GLB1L2: variants seen among roughly 807,000 people sequenced by gnomAD.
GLB1L2 encodes beta-galactosidase-1-like protein 2.
In GLB1L2, 68 loss-of-function variants were observed where a neutral mutation model predicts 84.1. That is an observed-to-expected ratio of 0.81 (90% CI 0.67 to 0.99). The LOEUF is 0.99. GLB1L2 is among the 50% of genes least tolerant of loss of function. The pLI, the probability that GLB1L2 is intolerant of heterozygous loss-of-function variation, is 0.00. For synonymous variants in GLB1L2, 290 were observed against 318.0 expected, an observed-to-expected ratio of 0.91 and a Z score of 0.94; for missense variants, 762 against 805.6, an observed-to-expected ratio of 0.95 and a Z score of 0.66.
intron 16 of GLB1L2, 80 bp downstream of exon 16, chr11:134,373,888 G>A (rs966136445): frequency 3.3e-5 from 36 of 1,084,330 alleles, no homozygotes; most frequent in Admixed American, 8.2e-5. Context: ...CTGGTGCACC[G>A]TGGCCTGGCC....
intron 1 of GLB1L2, among the ~76,000 whole-genome samples, chr11:134,342,175 C>G (rs1392383843): frequency 6.6e-6 from 1 of 152,124 alleles, no homozygotes; most frequent in East Asian, 1.9e-4. Context: ...GGCGCTTTCT[C>G]GCGGACCGGA....
Position 134,374,203 on chromosome 11 carries a change from T to G in GLB1L2, c.1654T>G (p.Leu552Val). 1.2e-6 allele frequency: 2 copies of G among 1,614,190 alleles called. No homozygotes were observed. Among genetic ancestry groups the G allele is most frequent in the Non-Finnish European group, 1.7e-6 (2 of 1,180,018 alleles). The change falls in exon 17 of 19, where the codon TTG becomes GTG. Residue 552 changes from leucine (L) to valine (V), a missense_variant. Coordinates refer to ENST00000535456, the MANE Select transcript of GLB1L2 (RefSeq NM_001370461.1). ...AACACCCACATTACCTGCTTTCTTC[T>G]TGGGTAGCTTGTCCATCAGCTCCAC... ...PETPTLPAFF[L>V]GSLSISSTPC...
At chr11:134,344,340 T>C in intron 2 of GLB1L2, 47 bp from the exon 3 acceptor site, 1 of 1,606,236 alleles carries the variant, frequency 6.2e-7, no homozygotes, top group Non-Finnish European at 8.5e-7. Flanking sequence ...AGAGGTGAAA[T>C]GGAATGAATG....
chr11:134,368,016 C>G lies in GLB1L2; in HGVS notation c.890-628C>G, dbSNP rs75186923. Among the ~76,000 whole-genome samples the G allele has an allele frequency of 5.2e-4, 79 of 152,310 alleles. 1 individual carries two copies. In the East Asian group the frequency reaches 0.012, roughly 23 times the overall value. The stretch of plus-strand genomic sequence containing the variant: ...GGCACCGTGTAGATGTGCATGCTCG[C>G]CCCTCAGCCCCCGGAAAGACGGCAG... On this transcript the variant is annotated intron_variant, in intron 9 of 18. Transcript: ENST00000535456.
At position 134,371,790 on chromosome 11, in the gene GLB1L2, G is replaced by A. The variant is rs1401632906; in HGVS notation, c.1467G>A (p.Gly489=). The change falls in exon 15 of 19, where the codon GGG becomes GGA. Residue 489 remains glycine (G), a synonymous_variant. Coordinates refer to ENST00000535456, the MANE Select transcript of GLB1L2 (RefSeq NM_001370461.1). ...TGAGGATCTTGGTGGAGAATCGTGG[G>A]CGAGTCAACTATGGGGAGAATATTG... The part of the protein sequence containing the change: ...TVLRILVENR[G]RVNYGENIDD... The A allele has an allele frequency of 6.2e-7, 1 of 1,614,072 alleles. No individual in the cohort carries two copies. Among genetic ancestry groups the A allele is most frequent in the Non-Finnish European group, 8.5e-7 (1 of 1,180,056 alleles).
At chr11:134,332,738 T>C (rs1049000528) in intron 1 of GLB1L2, among the ~76,000 whole-genome samples, 7 of 152,186 alleles carry the variant, frequency 4.6e-5, no homozygotes, top group Non-Finnish European at 1.0e-4. Context: ...ACCATTCACC[T>C]GTTACCAGCT....
At chr11:134,368,620 T>A (rs773716055) in intron 9 of GLB1L2, 24 bp from the exon 10 acceptor site, 8 of 1,612,754 alleles carry the variant, frequency 5.0e-6, no homozygotes, top group Non-Finnish European at 6.8e-6. Flanking sequence ...ACTCTGCACA[T>A]CCCCTTTCTC....
At position 134,373,828 on chromosome 11, in the gene GLB1L2, C is replaced by T. The variant is rs371018073; in HGVS notation, c.1595+20C>T. 1 of 1,522,352 alleles carries T rather than the reference C, an allele frequency of 6.6e-7. No homozygotes were observed. The highest frequency in any genetic ancestry group is 1.7e-5 in the Admixed American group (1 of 59,498). The allele number at this position is 1,522,352 out of a possible 1,614,324, so 94.3% of individuals were successfully genotyped here. A position where few individuals can be genotyped will look rare whatever the true frequency, so the allele number is the denominator to read the frequency against. ...TCAGAGGTGGGTCCCTGCCCAGCAC[C>T]AGCCCTTGCACTCACAGGTATAGTG... On this transcript the variant is annotated intron_variant, in intron 16 of 18. Coordinates refer to ENST00000535456, the MANE Select transcript of GLB1L2 (RefSeq NM_001370461.1).
chr11:134,374,225 C>T lies in GLB1L2; in HGVS notation c.1676C>T (p.Ser559Phe), dbSNP rs561734920. 1.2e-6 allele frequency: 2 copies of T among 1,613,680 alleles called. No individual in the cohort carries two copies. The highest frequency in any genetic ancestry group is 1.1e-5 in the South Asian group (1 of 91,066). ...TTCTTGGGTAGCTTGTCCATCAGCT[C>T]CACCCCTTGTGACACCTTTCTGAAG... is the stretch of plus-strand genomic sequence containing the variant. ...AFFLGSLSIS[S>F]TPCDTFLKLE... Residue 559 changes from serine to phenylalanine, a missense_variant, in exon 17 of 19, where the codon TCC (serine) becomes TTC (phenylalanine). By Grantham distance (155) the Ser-to-Phe change is radical. Around this residue, in one of 3 missense-constraint regions of GLB1L2, gnomAD observed 603 missense variants for 611.7 expected, o/e 0.99. Transcript: ENST00000535456.
At chr11:134,341,142 C>G (rs1943455578) in intron 1 of GLB1L2, among the ~76,000 whole-genome samples, 1 of 152,220 alleles carries the variant, frequency 6.6e-6, no homozygotes, top group South Asian at 2.1e-4. Flanking sequence ...GCTATTCTCT[C>G]TAAAGCTTTC....
At chr11:134,346,523 C>T (rs1943554675) in intron 4 of GLB1L2, 1 of 152,386 alleles carries the variant, frequency 6.6e-6, no homozygotes, top group Admixed American at 6.5e-5. Flanking sequence ...GCTAACCTGT[C>T]AGGTGGGGTT....
intron 18 of GLB1L2, 86 bp from the exon 19 acceptor site, chr11:134,374,886 T>C: frequency 7.3e-7 from 1 of 1,372,418 alleles, no homozygotes; most frequent in African/African-American, 1.4e-5. Context: ...CCAAACCCTT[T>C]CCTTCTGACC....
At chr11:134,354,742 T>C (rs549826241) in intron 5 of GLB1L2, among the ~76,000 whole-genome samples, 3 of 152,318 alleles carry the variant, frequency 2.0e-5, no homozygotes, top group African/African-American at 7.2e-5. Flanking sequence ...TATAGTCTTA[T>C]TGAGGATCCC....
rs1024580120 is a variant in GLB1L2 at position 134,338,105 on chromosome 11, G to C, written c.87-4649G>C. Among the ~76,000 whole-genome samples the C allele has an allele frequency of 6.6e-6, 1 of 152,174 alleles. No individual in the cohort carries two copies. Among genetic ancestry groups the C allele is most frequent in the Non-Finnish European group, 1.5e-5 (1 of 68,024 alleles). ...GAGTGCTGCCTGGTCTCCACCGGCG[G>C]TCATCGTACTCCGGATGTTCACGGC... On this transcript the variant is annotated intron_variant, in intron 1 of 18. Transcript: ENST00000535456. This position sits in a 1 kb window ranked among gnomAD's most constrained non-coding sequence, Gnocchi z 6.2.
chr11:134,359,762 CCTCT>C (rs1243704661), intron 7 of GLB1L2: 1 of 152,370 alleles, frequency 6.6e-6, no homozygotes, highest in African/African-American at 2.4e-5. Flanking sequence ...CCTCGAAAGG[CCTCT>C]CCACTTGGCC....
At chr11:134,372,232 T>C (rs1943964065) in intron 15 of GLB1L2, among the ~76,000 whole-genome samples, 1 of 152,182 alleles carries the variant, frequency 6.6e-6, no homozygotes, top group Non-Finnish European at 1.5e-5. Flanking sequence ...CTCTTCTTGA[T>C]CCATCTTGGG....
At chr11:134,341,329 C>T (rs752861933) in intron 1 of GLB1L2, among the ~76,000 whole-genome samples, 12 of 152,146 alleles carry the variant, frequency 7.9e-5, no homozygotes, top group Non-Finnish European at 1.8e-4. Flanking sequence ...GCATTAGACT[C>T]GTTTTATAGA....
intron 5 of GLB1L2, among the ~76,000 whole-genome samples, chr11:134,354,615 T>C (rs1943677187): frequency 6.6e-6 from 1 of 152,140 alleles, no homozygotes; most frequent in African/African-American, 2.4e-5. Context: ...CCCTCATTTT[T>C]GAGTTTTGCT....
chr11:134,369,928 G>A (rs368004154), intron 11 of GLB1L2, 43 bp downstream of exon 11: 37 of 1,543,310 alleles, frequency 2.4e-5, no homozygotes, highest in Middle Eastern at 1.7e-4. Flanking sequence ...TCAGGCCCTC[G>A]CTTCTGCTCT....
Sources: gnomAD v4.1 joint callset for allele counts (sites outside exome capture counted in the v4.1 genomes callset) on GRCh38, gnomAD v4.1.1 for gene constraint, gnomAD v4.1.1 regional missense constraint, Gnocchi (gnomAD v3.1) non-coding constraint, MANE v1.5 for transcripts, NCBI Gene and HGNC (gene_info 2026-07-23, HGNC 2026-07-21) for gene names.